Variants in ZNF157 observed in about 807,000 individuals in gnomAD.
The protein encoded by ZNF157 is zinc finger protein 22.
A neutral mutation model predicts 9.4 loss-of-function variants in ZNF157; 8 were observed. That is an observed-to-expected ratio of 0.85 (90% CI 0.50 to 1.53). The LOEUF (loss-of-function observed/expected upper bound fraction) is 1.53, where lower values mean the gene tolerates loss of function less well. Ranked by LOEUF, ZNF157 falls within the 40% of genes most tolerant of loss-of-function variation. The probability of loss-of-function intolerance (pLI) is 0.00; values close to 1 mark genes in which losing one functional copy is unlikely to be tolerated. For synonymous variants in ZNF157, 120 were observed against 130.8 expected, an observed-to-expected ratio of 0.92 and a Z score of 0.56; for missense variants, 316 against 385.2, an observed-to-expected ratio of 0.82 and a Z score of 1.50.
At chrX:47,401,565 G>A (rs777030204) in intron 1 of ZNF157, among the ~76,000 whole-genome samples, 26 of 111,791 alleles carry the variant, frequency 2.3e-4, no homozygotes, top group African/African-American at 7.8e-4. Flanking sequence ...GGGGTAGTAG[G>A]CAGTGACAGC....
At chrX:47,389,280 A>G (rs1343275345) in intron 1 of ZNF157, among the ~76,000 whole-genome samples, 1 of 108,022 alleles carries the variant, frequency 9.3e-6, no homozygotes, top group Non-Finnish European at 1.9e-5. Context: ...ATCTCAGTTC[A>G]CTGTGACCTC....
At chrX:47,404,781 GTTTA>G (rs1296137679) in intron 1 of ZNF157, among the ~76,000 whole-genome samples, 3 of 110,257 alleles carry the variant, frequency 2.7e-5, no homozygotes, top group Non-Finnish European at 3.8e-5. Context: ...TCTTGACTTT[GTTTA>G]TTTATTATTT....
At chrX:47,370,863 C>A in intron 1 of ZNF157, 123 bp downstream of exon 1, 1 of 608,977 alleles carries the variant, frequency 1.6e-6, no homozygotes, top group Non-Finnish European at 2.4e-6. Flanking sequence ...AGTTTTTGTC[C>A]CCAGTAGTAA....
chrX:47,396,950 C>G (rs2055915212), intron 1 of ZNF157, among the ~76,000 whole-genome samples: 1 of 111,156 alleles, frequency 9.0e-6, no homozygotes, highest in African/African-American at 3.3e-5. Context: ...TATTCACTAT[C>G]ATGAGAACAG....
intron 1 of ZNF157, among the ~76,000 whole-genome samples, chrX:47,382,282 C>CTTTTTTTTTTTTTT (rs764704009): frequency 5.6e-5 from 3 of 53,356 alleles, no homozygotes; most frequent in African/African-American, 1.7e-4. Context: ...TTCAACAGAA[C>CTTTTTTTTTTTTTT]TTTTTTTTTT....
chrX:47,384,835 C>T (rs2055874863), intron 1 of ZNF157, among the ~76,000 whole-genome samples: 1 of 112,329 alleles, frequency 8.9e-6, no homozygotes, highest in Admixed American at 9.5e-5. Flanking sequence ...TCCATGATGT[C>T]TTGGGTGATG....
chrX:47,404,512 A>G (rs888099843), intron 1 of ZNF157, among the ~76,000 whole-genome samples: 1 of 110,845 alleles, frequency 9.0e-6, no homozygotes, highest in African/African-American at 3.3e-5. Context: ...ATAAAAAGTA[A>G]CCAAATGGAA....
At chrX:47,378,103 T>G (rs1437737459) in intron 1 of ZNF157, among the ~76,000 whole-genome samples, 1 of 110,899 alleles carries the variant, frequency 9.0e-6, no homozygotes, top group Non-Finnish European at 1.9e-5. Flanking sequence ...CAAATCAGTC[T>G]CCCTGAAAAG....
At chrX:47,392,426 T>C (rs2055900260) in intron 1 of ZNF157, 1 of 111,894 alleles carries the variant, frequency 8.9e-6, no homozygotes, top group African/African-American at 3.2e-5. Flanking sequence ...ATTTAGGGGC[T>C]ACCCAGTTAA....
intron 1 of ZNF157, among the ~76,000 whole-genome samples, chrX:47,387,778 C>T (rs1351696894): frequency 9.6e-6 from 1 of 104,167 alleles, no homozygotes; most frequent in Non-Finnish European, 2.0e-5. Context: ...TGGCACATAC[C>T]TGTAATCCCA....
At chrX:47,389,372 C>T (rs758568946) in intron 1 of ZNF157, among the ~76,000 whole-genome samples, 158 of 104,658 alleles carry the variant, frequency 1.5e-3, no homozygotes, top group African/African-American at 5.4e-3. Flanking sequence ...TTTTCCAAGA[C>T]AGAGTCTTGC....
intron 1 of ZNF157, among the ~76,000 whole-genome samples, chrX:47,406,385 TTTTTTTGAGACAGAGTCTCACTCTG>T (rs1375328476): frequency 9.0e-6 from 1 of 110,567 alleles, no homozygotes; most frequent in Non-Finnish European, 1.9e-5. Flanking sequence ...TCTCTTTTTC[TTTTTTTGAGACAGAGTCTCACTCTG>T]TCACCCAGAC....
intron 1 of ZNF157, among the ~76,000 whole-genome samples, chrX:47,394,503 G>A (rs4289943): frequency 0.23 from 25,990 of 111,032 alleles, 2,748 homozygotes; most frequent in South Asian, 0.41. Context: ...AAACCAGGCC[G>A]CCCCTTCAAA....
At chrX:47,391,159 A>G (rs1396576231) in intron 1 of ZNF157, 4 of 111,326 alleles carry the variant, frequency 3.6e-5, no homozygotes, top group Non-Finnish European at 5.6e-5. Context: ...TGTTTAATAT[A>G]TATGACTTTG....
In ZNF157 at chrX:47,377,748, T is replaced by TAAAA. The variant is rs774493260; in HGVS notation, c.72+7013_72+7016dup. Among the ~76,000 whole-genome samples the TAAAA allele has an allele frequency of 5.5e-3, 528 of 96,761 alleles. 4 individuals are homozygous for TAAAA. The highest frequency in any genetic ancestry group is 0.029 in the South Asian group (60 of 2,098). The allele number at this position is 96,761 out of a possible 115,157, so 84.0% of individuals were successfully genotyped here. A position where few individuals can be genotyped will look rare whatever the true frequency, so the allele number is the denominator to read the frequency against. On this transcript the variant is annotated intron_variant, in intron 1 of 3. Transcript: ENST00000377073. ...TGCCCAGCCTTTTTTTTTTTTTTTT[T>TAAAA]AAAAAAAACCACATTCTAATAGGTG...
intron 1 of ZNF157, among the ~76,000 whole-genome samples, chrX:47,376,630 G>A (rs985030608): frequency 9.0e-6 from 1 of 111,024 alleles, no homozygotes; most frequent in East Asian, 2.8e-4. Context: ...AAAAAACAGA[G>A]AAACTTCCCA....
intron 1 of ZNF157, 127 bp downstream of exon 1, chrX:47,370,867 G>T: frequency 3.5e-6 from 2 of 574,511 alleles, no homozygotes; most frequent in Non-Finnish European, 5.2e-6. Flanking sequence ...TTTGTCCCCA[G>T]TAGTAACATC....
chrX:47,378,033 A>G (rs1007356830), intron 1 of ZNF157, among the ~76,000 whole-genome samples: 2 of 111,339 alleles, frequency 1.8e-5, no homozygotes, highest in African/African-American at 6.5e-5. Flanking sequence ...GAACTGCACT[A>G]GAGAAAGAAT....
chrX:47,381,868 G>T (rs773420993), intron 1 of ZNF157, among the ~76,000 whole-genome samples: 5 of 111,809 alleles, frequency 4.5e-5, no homozygotes, highest in Non-Finnish European at 9.4e-5. Flanking sequence ...TGTAAAGTGT[G>T]TTTACCCTGT....
Sources: gnomAD v4.1 joint callset for allele counts (sites outside exome capture counted in the v4.1 genomes callset) on GRCh38, gnomAD v4.1.1 for gene constraint, MANE v1.5 for transcripts, NCBI Gene and HGNC (gene_info 2026-07-23, HGNC 2026-07-21) for gene names.